SMCO2: variants seen among roughly 807,000 people sequenced by gnomAD.
The protein encoded by SMCO2 is single-pass membrane protein with coiled-coil domains 2.
Under a neutral mutation model 29.5 loss-of-function variants are expected in SMCO2, and 25 were observed. That is an observed-to-expected ratio of 0.85 (90% CI 0.62 to 1.18). The LOEUF is 1.18. Ranked by LOEUF, SMCO2 falls within the 50% of genes most tolerant of loss-of-function variation. The pLI, the probability that SMCO2 is intolerant of heterozygous loss-of-function variation, is 0.00. For missense variants in SMCO2, 348 were observed against 344.5 expected, an observed-to-expected ratio of 1.01 and a Z score of -0.08; for synonymous variants, 117 against 123.3, an observed-to-expected ratio of 0.95 and a Z score of 0.34.
At chr12:27,461,357 G>A in the SMCO2 span, among the ~76,000 whole-genome samples, 1 of 152,088 alleles carries the variant, frequency 6.6e-6, no homozygotes, top group African/African-American at 2.4e-5. Flanking sequence ...CATCATCGAG[G>A]TAATAGCATA....
intron 4 of SMCO2, among the ~76,000 whole-genome samples, chr12:27,481,618 G>A (rs1297216061): frequency 6.6e-6 from 1 of 152,096 alleles, no homozygotes; most frequent in African/African-American, 2.4e-5. Flanking sequence ...TTTCTTTGTG[G>A]TAAGGTTTTT....
chr12:27,429,440 T>C, the SMCO2 span, among the ~76,000 whole-genome samples: 1 of 150,642 alleles, frequency 6.6e-6, no homozygotes, highest in South Asian at 2.1e-4. Flanking sequence ...ATGCGTATAT[T>C]GGTTAAAAGT....
intron 5 of SMCO2, among the ~76,000 whole-genome samples, chr12:27,493,508 G>T (rs1390789650): frequency 6.6e-6 from 1 of 151,752 alleles, no homozygotes; most frequent in Admixed American, 6.6e-5. Flanking sequence ...ACTCCAGCCT[G>T]GATGTCCGAA....
At chr12:27,440,857 C>T in the SMCO2 span, among the ~76,000 whole-genome samples, 3 of 151,898 alleles carry the variant, frequency 2.0e-5, no homozygotes, top group South Asian at 4.2e-4. Context: ...AACCACAAAG[C>T]GAGAGAGGAG....
At chr12:27,493,528 G>T (rs1455658499) in intron 5 of SMCO2, among the ~76,000 whole-genome samples, 2 of 148,666 alleles carry the variant, frequency 1.3e-5, no homozygotes, top group Non-Finnish European at 3.0e-5. Flanking sequence ...ATGAGACCTT[G>T]TCTCAAAAAA....
intron 5 of SMCO2, among the ~76,000 whole-genome samples, chr12:27,490,750 C>A: frequency 6.6e-6 from 1 of 152,134 alleles, no homozygotes; most frequent in South Asian, 2.1e-4. Flanking sequence ...GGCAACATAG[C>A]GAGACCCCTA....
the SMCO2 span, chr12:27,424,689 CATCACTGAGCCCTGGA>C: frequency 6.6e-6 from 1 of 152,184 alleles, no homozygotes. Context: ...TCAGGTGGGT[CATCACTGAGCCCTGGA>C]ATTGGAGACT....
chr12:27,428,118 T>C, the SMCO2 span, among the ~76,000 whole-genome samples: 2 of 152,210 alleles, frequency 1.3e-5, no homozygotes, highest in Admixed American at 1.3e-4. Flanking sequence ...ACAATAGTGA[T>C]GTTATCCACA....
At chr12:27,479,763 C>T (rs149497309) in intron 4 of SMCO2, among the ~76,000 whole-genome samples, 1 of 152,308 alleles carries the variant, frequency 6.6e-6, no homozygotes, top group African/African-American at 2.4e-5. Context: ...CTCTTGCCTG[C>T]CACCATGTAA....
chr12:27,450,622 C>CA, the SMCO2 span, among the ~76,000 whole-genome samples: 4 of 152,174 alleles, frequency 2.6e-5, no homozygotes, highest in Non-Finnish European at 5.9e-5. Flanking sequence ...ACAGAGGGAG[C>CA]AGTGCTGCCA....
At chr12:27,431,102 G>A in the SMCO2 span, among the ~76,000 whole-genome samples, 2 of 151,416 alleles carry the variant, frequency 1.3e-5, no homozygotes, top group Admixed American at 6.6e-5. Context: ...TGCAACCTCC[G>A]CCTCCTGGGT....
chr12:27,442,004 A>G, the SMCO2 span, among the ~76,000 whole-genome samples: 1 of 152,216 alleles, frequency 6.6e-6, no homozygotes, highest in Non-Finnish European at 1.5e-5. Context: ...TTAAAAATGA[A>G]TTGAAACAGA....
the SMCO2 span, among the ~76,000 whole-genome samples, chr12:27,453,699 A>G: frequency 3.3e-5 from 5 of 152,182 alleles, no homozygotes; most frequent in African/African-American, 1.2e-4. Flanking sequence ...TTCTTGGCTT[A>G]CCCTTTAGTC....
the SMCO2 span, among the ~76,000 whole-genome samples, chr12:27,444,444 T>TTCTTGTGTAAGG: frequency 6.6e-6 from 1 of 152,294 alleles, no homozygotes; most frequent in Non-Finnish European, 1.5e-5. Context: ...GGGCAAAGAT[T>TTCTTGTGTAAGG]TCTTGTGTAA....
At chr12:27,499,073 A>C (rs1943046750) in intron 7 of SMCO2, among the ~76,000 whole-genome samples, 1 of 150,810 alleles carries the variant, frequency 6.6e-6, no homozygotes, top group Non-Finnish European at 1.5e-5. Context: ...ACATGATTCC[A>C]CAAGTCTACT....
chr12:27,457,988 G>T, the SMCO2 span, among the ~76,000 whole-genome samples: 10 of 152,224 alleles, frequency 6.6e-5, no homozygotes, highest in South Asian at 2.1e-3. Context: ...TCACATATTT[G>T]CAGCTTCCTC....
At chr12:27,487,603 T>C (rs904779503) in intron 4 of SMCO2, among the ~76,000 whole-genome samples, 1 of 152,210 alleles carries the variant, frequency 6.6e-6, no homozygotes, top group African/African-American at 2.4e-5. Flanking sequence ...CTGGGTCATA[T>C]GGTAAGTCAG....
At chr12:27,479,646 G>T (rs12305914) in intron 4 of SMCO2, among the ~76,000 whole-genome samples, 10,120 of 152,206 alleles carry the variant, frequency 0.066, 702 homozygotes, top group East Asian at 0.26. Flanking sequence ...CCCAGTGGGA[G>T]GTAACTGAAT....
exon 7 of SMCO2, chr12:27,495,750 A>G: frequency 6.5e-7 from 1 of 1,539,736 alleles, no homozygotes; most frequent in Non-Finnish European, 8.8e-7. Flanking sequence ...GAGGACACTG[A>G]CTCTCACAGT....
Sources: allele counts gnomAD v4.1 joint callset (sites outside exome capture counted in the v4.1 genomes callset), GRCh38; gene constraint gnomAD v4.1.1; transcripts MANE v1.5; gene names NCBI Gene and HGNC (gene_info 2026-07-23, HGNC 2026-07-21).